The following AAK1 variants were observed in gnomAD, a reference collection of about 807,000 sequenced individuals.
AAK1 encodes AP2 associated kinase 1, also known as AP2-associated protein kinase 1.
In AAK1, 37 loss-of-function variants were observed where a neutral mutation model predicts 116.0. The ratio of observed to expected loss-of-function variants is 0.32; its 90% CI spans 0.25 to 0.42. The LOEUF (loss-of-function observed/expected upper bound fraction) is 0.42. Ranked by LOEUF, AAK1 falls within the 10% of genes least tolerant of loss-of-function variation. The pLI is 1.00. For missense variants in AAK1, 919 were observed against 1,170.6 expected (o/e 0.79, Z 3.14); for synonymous variants, 458 against 439.9 (o/e 1.04, Z -0.51).
intron 15 of AAK1, among the ~76,000 whole-genome samples, chr2:69,506,363 T>C (rs1306844354): frequency 1.3e-5 from 2 of 152,022 alleles, no homozygotes; most frequent in African/African-American, 2.4e-5. Context: ...AGCAAGAAAG[T>C]AATAGGAATT....
At chr2:69,623,012 G>A (rs1303457221) in intron 2 of AAK1, among the ~76,000 whole-genome samples, 2 of 152,100 alleles carry the variant, frequency 1.3e-5, no homozygotes, top group African/African-American at 4.8e-5. Flanking sequence ...AGAGACATCA[G>A]TGGCAACCCA....
At chr2:69,495,115 A>T (rs1181090834) in intron 17 of AAK1, among the ~76,000 whole-genome samples, 1 of 152,178 alleles carries the variant, frequency 6.6e-6, no homozygotes, top group Non-Finnish European at 1.5e-5. Flanking sequence ...GAAGCAAAAC[A>T]ACTGTCAACT....
Position 69,473,729 on chromosome 2 carries a change from T to C in AAK1, c.*2140A>G. 1.0e-6 allele frequency: 1 copy of C among 963,408 alleles called. No individual in the cohort carries two copies. Among genetic ancestry groups the C allele is most frequent in the Non-Finnish European group, 1.2e-6 (1 of 809,512 alleles). The allele number at this position is 963,408 out of a possible 1,614,324, so 59.7% of individuals were successfully genotyped here. On this transcript the variant is annotated 3_prime_UTR_variant, in exon 22 of 22. Transcript: ENST00000409085. ...GATATTTCATTATATTTCTAACATG[T>C]ATATACGAAAAAAATCAAATATGAA...
chr2:69,542,409 A>C lies in AAK1; in HGVS notation c.534+114T>G, dbSNP rs1398034845. ...TCTCCTCAGGCAGAATATAAACATA[A>C]AAACAGGGACCATATCTTAAATTTC... is the stretch of plus-strand genomic sequence containing the variant. On this transcript the variant is annotated intron_variant, in intron 5 of 21. Transcript: ENST00000409085. The C allele has an allele frequency of 3.0e-6, 4 of 1,314,460 alleles. No individual in the cohort carries two copies. The African/African-American group carries it at 4.4e-5, about 15-fold the overall frequency. 81.4% of individuals were successfully genotyped at this position (1,314,460 alleles called of 1,614,324 possible).
At chr2:69,595,065 G>A (rs1016989793) in intron 2 of AAK1, 70 of 722,008 alleles carry the variant, frequency 9.7e-5, no homozygotes, top group South Asian at 5.0e-4. Flanking sequence ...CCATGTTTGC[G>A]TGAGCACTAT....
intron 2 of AAK1, among the ~76,000 whole-genome samples, chr2:69,593,160 A>AG (rs1673108661): frequency 6.6e-6 from 1 of 152,222 alleles, no homozygotes; most frequent in African/African-American, 2.4e-5. Flanking sequence ...ACATCCATTG[A>AG]TCCAACAATT....
rs116020553 is a variant in AAK1 at position 69,537,673 on chromosome 2, G to A, written c.534+4850C>T. ...TCACAGTGACATGGAGCTCAGAGTC[G>A]CTGAGACTATGTGATGCAACGACAG... is the stretch of plus-strand genomic sequence containing the variant. On this transcript the variant is annotated intron_variant, in intron 5 of 21. Transcript: ENST00000409085. Among the ~76,000 whole-genome samples, 50 of 152,310 alleles carry A rather than the reference G, an allele frequency of 3.3e-4. 1 individual carries two copies. The highest frequency in any genetic ancestry group is 1.1e-3 in the African/African-American group (45 of 41,550).
intron 2 of AAK1, among the ~76,000 whole-genome samples, chr2:69,633,578 C>T (rs555470653): frequency 2.1e-5 from 3 of 143,642 alleles, no homozygotes; most frequent in East Asian, 2.1e-4. Context: ...TCCAGCCTGG[C>T]GACAGAATGA....
chr2:69,608,284 C>T (rs1383225122), intron 2 of AAK1, among the ~76,000 whole-genome samples: 2 of 152,234 alleles, frequency 1.3e-5, no homozygotes, highest in Non-Finnish European at 2.9e-5. Flanking sequence ...GCTCCCTGCC[C>T]AGGCCAACAG....
chr2:69,512,971 G>A (rs965737007), intron 13 of AAK1, among the ~76,000 whole-genome samples: 1 of 152,184 alleles, frequency 6.6e-6, no homozygotes, highest in Non-Finnish European at 1.5e-5. Context: ...TATGTCTTGG[G>A]CAACCACTTT....
chr2:69,557,514 G>A (rs13430724), intron 2 of AAK1, among the ~76,000 whole-genome samples: 6,400 of 152,022 alleles, frequency 0.042, 470 homozygotes, highest in African/African-American at 0.15. Flanking sequence ...TGTTGCCCAG[G>A]CTAGTCTCAA....
At chr2:69,501,190 A>C (rs1675967220) in intron 16 of AAK1, among the ~76,000 whole-genome samples, 1 of 152,180 alleles carries the variant, frequency 6.6e-6, no homozygotes, top group African/African-American at 2.4e-5. Flanking sequence ...ATCAAACTTC[A>C]AGCAGCATGA....
intron 16 of AAK1, among the ~76,000 whole-genome samples, chr2:69,500,798 C>T (rs1675954271): frequency 6.8e-6 from 1 of 147,942 alleles, no homozygotes; most frequent in African/African-American, 2.5e-5. Flanking sequence ...CAAAATAAAC[C>T]TCATTAAAAA....
rs1674268023 is a variant in AAK1, at chr2:69,458,614, C to T, written c.*17255G>A. The T allele has an allele frequency of 6.6e-6, 1 of 152,518 alleles. No homozygotes were observed. Among genetic ancestry groups the T allele is most frequent in the African/African-American group, 2.4e-5 (1 of 41,400 alleles). 9.4% of individuals were successfully genotyped at this position (152,518 alleles called of 1,614,324 possible). On this transcript the variant is annotated 3_prime_UTR_variant, in exon 22 of 22. Transcript: ENST00000409085. ...GCAAAAGGAACTACATTTACTCATGCCAAATACCTATGGTCACTTCTCAGT... is the reference window on the plus strand; with the variant it reads ...GCAAAAGGAACTACATTTACTCATGTCAAATACCTATGGTCACTTCTCAGT...
intron 2 of AAK1, among the ~76,000 whole-genome samples, chr2:69,625,686 T>C (rs1674865502): frequency 6.6e-6 from 1 of 152,200 alleles, no homozygotes; most frequent in Non-Finnish European, 1.5e-5. Context: ...ACAGGAAATA[T>C]ATGTATAACA....
At position 69,462,052 on chromosome 2, in the gene AAK1, G is replaced by A. The variant is rs1379684337; in HGVS notation, c.*13817C>T. The stretch of plus-strand genomic sequence containing the variant: ...ATAACCAAAGGAAAAACATTTTGCT[G>A]GGCTGTTACAGAGATAATCCTGAAT... On this transcript the variant is annotated 3_prime_UTR_variant, in exon 22 of 22. Transcript: ENST00000409085. 1 of 152,656 alleles carries A rather than the reference G, an allele frequency of 6.6e-6. No homozygotes were observed. The highest frequency in any genetic ancestry group is 1.5e-5 in the Non-Finnish European group (1 of 68,518). 9.5% of individuals were successfully genotyped at this position (152,656 alleles called of 1,614,324 possible).
Position 69,529,999 on chromosome 2 carries a change from A to C in AAK1, c.871+9T>G. 1 of 1,534,470 alleles carries C rather than the reference A, an allele frequency of 6.5e-7. No homozygotes were observed. The highest frequency in any genetic ancestry group is 8.8e-7 in the Non-Finnish European group (1 of 1,141,904). ...TAAAAATATGAAACTAGAAACTTAA[A>C]ATACTTACTAATTAGGCAGTGCATG... On this transcript the variant is annotated intron_variant, in intron 8 of 21. Transcript: ENST00000409085.
rs1273134181 is a variant in AAK1, at chr2:69,643,667, T to C, written c.-327A>G. 4.5e-5 allele frequency: 55 copies of C among 1,225,462 alleles called. No homozygotes were observed. The highest frequency in any genetic ancestry group is 5.6e-5 in the Non-Finnish European group (55 of 983,990). 75.9% of individuals were successfully genotyped at this position (1,225,462 alleles called of 1,614,324 possible). ...CTGCGACGCAGAGAAGAGGCGGCGC[T>C]GCAGCGAGAGCCGGGGCCGCGCTCG... On this transcript the variant is annotated 5_prime_UTR_variant, in exon 1 of 22. Transcript: ENST00000409085.
At chr2:69,519,573 C>T (rs915319322) in intron 11 of AAK1, among the ~76,000 whole-genome samples, 2 of 152,244 alleles carry the variant, frequency 1.3e-5, no homozygotes, top group Non-Finnish European at 2.9e-5. Flanking sequence ...TATGCACAAG[C>T]TTTGCCCCTC....
Sources: gnomAD v4.1 joint callset for allele counts (sites outside exome capture counted in the v4.1 genomes callset) on GRCh38, gnomAD v4.1.1 for gene constraint, MANE v1.5 for transcripts, NCBI Gene and HGNC (gene_info 2026-07-23, HGNC 2026-07-21) for gene names.